MRPS22: variants seen among roughly 807,000 people sequenced by gnomAD.
The protein encoded by MRPS22 is mitochondrial ribosomal protein S22, also known as small ribosomal subunit protein mS22.
In MRPS22, 30 loss-of-function variants were observed where a neutral mutation model predicts 44.0. The ratio of observed to expected loss-of-function variants is 0.68; its 90% CI spans 0.51 to 0.93. MRPS22 has a LOEUF of 0.93. MRPS22 is among the 40% of genes least tolerant of loss of function. The probability of loss-of-function intolerance (pLI) is 0.00; values close to 1 mark genes in which losing one functional copy is unlikely to be tolerated. For synonymous variants in MRPS22, 165 were observed against 154.4 expected (o/e 1.07, Z -0.51); for missense variants, 447 against 447.8 (o/e 1.00, Z 0.02).
In MRPS22 at chr3:139,354,565, T is replaced by G. The variant is rs957651880; in HGVS notation, c.879-1117T>G. On this transcript the variant is annotated intron_variant, in intron 6 of 7. Transcript: ENST00000680020. Reference sequence around the variant, plus strand: ...TTTATTTTTTTCCCCCTGAAAAGCTTTATGATACAACAGCTCTGTTTTCCT... The same window carrying G: ...TTTATTTTTTTCCCCCTGAAAAGCTGTATGATACAACAGCTCTGTTTTCCT... Among the ~76,000 whole-genome samples the G allele has an allele frequency of 2.0e-5, 3 of 152,140 alleles. No individual in the cohort carries two copies. In the East Asian group the frequency reaches 5.8e-4, roughly 29 times the overall value.
At chr3:139,353,445 TA>T (rs1200666135) in intron 6 of MRPS22, among the ~76,000 whole-genome samples, 2 of 152,230 alleles carry the variant, frequency 1.3e-5, no homozygotes, top group Non-Finnish European at 2.9e-5. Flanking sequence ...AGCATGGCTG[TA>T]GTAAGAAAGT....
chr3:139,350,614 G>C, intron 4 of MRPS22: 1 of 426,938 alleles, frequency 2.3e-6, no homozygotes, highest in Non-Finnish European at 4.3e-6. Context: ...TTTTAGTAGA[G>C]ATGGGGTTTC....
At chr3:139,350,036 G>C (rs1941115852) in intron 3 of MRPS22, 143 bp from the exon 4 acceptor site, 1 of 944,004 alleles carries the variant, frequency 1.1e-6, no homozygotes, top group Admixed American at 2.2e-5. Flanking sequence ...AGTCTTTGAG[G>C]TTTAAAATTA....
At chr3:139,346,096 T>G (rs1036513328) in intron 1 of MRPS22, among the ~76,000 whole-genome samples, 9 of 152,200 alleles carry the variant, frequency 5.9e-5, no homozygotes, top group African/African-American at 1.9e-4. Context: ...AGCTAAGATT[T>G]GATTCTCTGC....
At chr3:139,350,449 T>C (rs1251544399) in intron 4 of MRPS22, 127 bp downstream of exon 4, 3 of 1,121,178 alleles carry the variant, frequency 2.7e-6, no homozygotes, top group Admixed American at 2.1e-5. Context: ...TTTTTTGAAA[T>C]GGAGTTTCGC....
intron 4 of MRPS22, chr3:139,350,681 CGCA>C: frequency 2.3e-6 from 1 of 439,394 alleles, no homozygotes; most frequent in Non-Finnish European, 4.2e-6. Context: ...ACCCCCCCCC[CGCA>C]ATCCGACTCC....
At chr3:139,354,030 A>G (rs977059307) in intron 6 of MRPS22, among the ~76,000 whole-genome samples, 3 of 152,232 alleles carry the variant, frequency 2.0e-5, no homozygotes, top group African/African-American at 2.4e-5. Context: ...ATCTGAAGCA[A>G]TTCATGCTTA....
intron 1 of MRPS22, among the ~76,000 whole-genome samples, chr3:139,345,438 G>GTTTT (rs55710231): frequency 2.1e-4 from 26 of 121,602 alleles, no homozygotes; most frequent in African/African-American, 3.9e-4. Flanking sequence ...TGCCAGTGGT[G>GTTTT]TTTTTTTTTT....
In MRPS22 at chr3:139,356,770, A is replaced by G. The variant is rs1006815709; in HGVS notation, c.988-149A>G. 34 of 629,770 alleles carry G rather than the reference A, an allele frequency of 5.4e-5. No homozygotes were observed. The Admixed American group carries it at 8.8e-4, about 16-fold the overall frequency. The allele number at this position is 629,770 out of a possible 1,614,324, so 39.0% of individuals were successfully genotyped here. A position where few individuals can be genotyped will look rare whatever the true frequency, so the allele number is the denominator to read the frequency against. The stretch of plus-strand genomic sequence containing the variant: ...TCCATGTGTGTTTATTAATTATTGT[A>G]TAATCGGGGGAAAAATTGTGAAATC... On this transcript the variant is annotated intron_variant, in intron 7 of 7. Coordinates refer to ENST00000680020, the MANE Select transcript of MRPS22 (RefSeq NM_020191.4).
chr3:139,346,944 C>T lies in MRPS22; in HGVS notation c.239C>T (p.Thr80Met), dbSNP rs768191299. Residue 80 changes from threonine (T) to methionine (M), a missense_variant, in exon 2 of 8, where the codon ACG becomes ATG. Physicochemically the swap from Thr to Met is moderately conservative, Grantham distance 81. Coordinates refer to ENST00000680020, the MANE Select transcript of MRPS22 (RefSeq NM_020191.4). ...FMDEEVQSILTKMTGLNLQKT... is the reference protein window; with the variant it reads ...FMDEEVQSILMKMTGLNLQKT... ...GATGAGGAAGTTCAAAGCATACTCA[C>T]GAAAATGACAGGCTTGAACTTGCAG... 19 of 1,614,000 alleles carry T rather than the reference C, an allele frequency of 1.2e-5. No individual in the cohort carries two copies. The highest frequency in any genetic ancestry group is 4.0e-5 in the African/African-American group (3 of 74,908).
At chr3:139,354,819 G>A in intron 6 of MRPS22, among the ~76,000 whole-genome samples, 1 of 152,168 alleles carries the variant, frequency 6.6e-6, no homozygotes, top group Middle Eastern at 3.2e-3. Context: ...TTCACTTAGT[G>A]TATATAGCAG....
rs1322144248 is a variant in MRPS22, at chr3:139,350,323, G to T, written c.648+1G>T. 4 of 1,613,782 alleles carry T rather than the reference G, an allele frequency of 2.5e-6. No homozygotes were observed. Among genetic ancestry groups the T allele is most frequent in the Non-Finnish European group, 3.4e-6 (4 of 1,179,980 alleles). On this transcript the variant is annotated splice_donor_variant, in intron 4 of 7. Transcript: ENST00000680020. LOFTEE classifies it high-confidence loss of function. ...AATTTTCAAGGAAGAAAATCTTAGG[G>T]TAAGGTGACTTAGGTTTTATGTTTT... is the stretch of plus-strand genomic sequence containing the variant.
rs1407321777 is a variant in MRPS22 at position 139,348,344 on chromosome 3, CAAAA to C, written c.504+21_504+24del. 1.9e-6 allele frequency: 3 copies of C among 1,610,278 alleles called. No homozygotes were observed. The highest frequency in any genetic ancestry group is 2.5e-6 in the Non-Finnish European group (3 of 1,177,352). ...CACCGGGTGAGTATATGTCTAATCG[CAAAA>C]TGATCTTTCTTTGAAATACTATGTG... is the stretch of plus-strand genomic sequence containing the variant. On this transcript the variant is annotated intron_variant, in intron 3 of 7. Transcript: ENST00000680020.
chr3:139,345,378 A>G (rs1941019374), intron 1 of MRPS22, among the ~76,000 whole-genome samples: 1 of 151,880 alleles, frequency 6.6e-6, no homozygotes, highest in South Asian at 2.1e-4. Flanking sequence ...GGCAGTGGGA[A>G]ATGGAGGATT....
Position 139,349,299 on chromosome 3 carries a change from G to A in MRPS22, c.505-880G>A, listed in dbSNP as rs772044856. On this transcript the variant is annotated intron_variant, in intron 3 of 7. Transcript: ENST00000680020. ...TCTGAGGAAAAATTGTATTATGTTG[G>A]CATGTGCTTTTTTTTTTTCGATTGG... 22 of 443,340 alleles carry A rather than the reference G, an allele frequency of 5.0e-5. 1 individual carries two copies. Among genetic ancestry groups the A allele is most frequent in the South Asian group, 3.7e-4 (22 of 60,092 alleles). The allele number at this position is 443,340 out of a possible 1,614,324, so 27.5% of individuals were successfully genotyped here.
intron 1 of MRPS22, 91 bp downstream of exon 1, chr3:139,344,289 G>A: frequency 7.4e-7 from 1 of 1,355,960 alleles, no homozygotes; most frequent in Non-Finnish European, 1.0e-6. Flanking sequence ...TAGCCCCCGC[G>A]ACACGTATCC....
chr3:139,354,600 C>T (rs942385415), intron 6 of MRPS22, among the ~76,000 whole-genome samples: 8 of 152,000 alleles, frequency 5.3e-5, no homozygotes, highest in African/African-American at 1.9e-4. Context: ...TGAGAGATGG[C>T]CTTTAGGGTA....
rs569698641 is a variant in MRPS22, at chr3:139,353,010, G to C, written c.878+218G>C. Among the ~76,000 whole-genome samples, 8 of 152,210 alleles carry C rather than the reference G, an allele frequency of 5.3e-5. No homozygotes were observed. In the East Asian group the frequency reaches 1.4e-3, roughly 26 times the overall value. On this transcript the variant is annotated intron_variant, in intron 6 of 7. Coordinates refer to ENST00000680020, the MANE Select transcript of MRPS22 (RefSeq NM_020191.4). ...TTACTTTCTCTTGAAAGAGTAAGTG[G>C]CTTTGGATCTGTACTGTAAACCCTC... is the stretch of plus-strand genomic sequence containing the variant.
chr3:139,353,921 C>CA (rs1361074223), intron 6 of MRPS22, among the ~76,000 whole-genome samples: 1 of 152,080 alleles, frequency 6.6e-6, no homozygotes, highest in Non-Finnish European at 1.5e-5. Flanking sequence ...TATGTTCTTA[C>CA]AAAAAATTAG....
Sources: allele counts gnomAD v4.1 joint callset (sites outside exome capture counted in the v4.1 genomes callset), GRCh38; gene constraint gnomAD v4.1.1; transcripts MANE v1.5; gene names NCBI Gene and HGNC (gene_info 2026-07-23, HGNC 2026-07-21).